CYBA: variants seen among roughly 807,000 people sequenced by gnomAD.
The protein encoded by CYBA is cytochrome b-245 alpha chain, also known as cytochrome b-245 light chain.
In CYBA, 21 loss-of-function variants were observed where a neutral mutation model predicts 20.8. The ratio of observed to expected loss-of-function variants is 1.01; its 90% CI spans 0.72 to 1.46. The LOEUF is 1.46. CYBA is among the 40% of genes most tolerant of loss of function. The pLI is 0.00. For synonymous variants in CYBA, 164 were observed against 127.5 expected, an observed-to-expected ratio of 1.29 and a Z score of -1.93; for missense variants, 344 against 287.0, an observed-to-expected ratio of 1.20 and a Z score of -1.43.
intron 1 of CYBA, among the ~76,000 whole-genome samples, chr16:88,649,232 T>G (rs981784265): frequency 5.9e-5 from 9 of 152,240 alleles, no homozygotes; most frequent in South Asian, 2.1e-4. Context: ...CACCTTGCCC[T>G]GCCAGCCATT....
intron 1 of CYBA, among the ~76,000 whole-genome samples, chr16:88,648,360 G>A (rs72558370): frequency 3.3e-5 from 5 of 152,190 alleles, no homozygotes; most frequent in Admixed American, 3.3e-4. Context: ...CCCAGGAGTG[G>A]CCAAGGACAG....
Position 88,651,044 on chromosome 16 carries a change from G to C in CYBA, c.-31C>G, listed in dbSNP as rs1907512391. ...CACGAACCCGGCTGGGACACTGCTA[G>C]GCGCGCACTGCCGCCCCTGCGCTCC... On this transcript the variant is annotated 5_prime_UTR_variant, in exon 1 of 6. Coordinates refer to ENST00000261623, the MANE Select transcript of CYBA (RefSeq NM_000101.4). 5 of 1,572,636 alleles carry C rather than the reference G, an allele frequency of 3.2e-6. No individual in the cohort carries two copies. The highest frequency in any genetic ancestry group is 4.3e-6 in the Non-Finnish European group (5 of 1,163,114).
intron 5 of CYBA, chr16:88,645,203 G>A (rs753372097): frequency 2.3e-5 from 16 of 702,252 alleles, no homozygotes; most frequent in African/African-American, 8.7e-5. Context: ...GGGGGGATGC[G>A]GGTGGCCCCC....
chr16:88,650,386 G>A (rs1292867084), intron 1 of CYBA: 1 of 456,974 alleles, frequency 2.2e-6, no homozygotes, highest in East Asian at 6.9e-5. Context: ...CACCCCAAGA[G>A]CAAAGTGCCT....
chr16:88,647,589 C>T (rs1489518138), intron 2 of CYBA: 1 of 363,740 alleles, frequency 2.7e-6, no homozygotes, highest in Non-Finnish European at 5.3e-6. Context: ...GAGGCAGCCA[C>T]GGGAGGTTCC....
In CYBA at chr16:88,643,474, G is replaced by T. The variant is rs104894515; in HGVS notation, c.467C>A (p.Pro156Gln). The T allele has an allele frequency of 2.0e-6, 3 of 1,532,140 alleles. No homozygotes were observed. The highest frequency in any genetic ancestry group is 8.7e-7 in the Non-Finnish European group (1 of 1,144,208). The allele number at this position is 1,532,140 out of a possible 1,614,324, so 94.9% of individuals were successfully genotyped here. ...GCGGGCCTCGGCCGGGGGCCGCGGC[G>T]GGGGGTTGCTGGGCGGCTGCTTGAT... ...GTIKQPPSNP[P>Q]PRPPAEARKK... is the part of the protein sequence containing the mutation. Residue 156 changes from proline to glutamine, a missense_variant, in exon 6 of 6, where the codon CCG (proline) becomes CAG (glutamine). Pro to Gln is a moderately conservative substitution (Grantham distance 76). Transcript: ENST00000261623. The surrounding 1 kb of genome is among the most constrained non-coding windows in gnomAD (Gnocchi z 4.3).
chr16:88,650,328 G>A, intron 1 of CYBA: 1 of 455,120 alleles, frequency 2.2e-6, no homozygotes, highest in South Asian at 1.6e-5. Context: ...GCCCTCACCA[G>A]AACCTCTGAG....
intron 1 of CYBA, among the ~76,000 whole-genome samples, chr16:88,648,608 T>A (rs1050035738): frequency 6.6e-6 from 1 of 152,020 alleles, no homozygotes; most frequent in African/African-American, 2.4e-5. Flanking sequence ...TTGTCCAATA[T>A]TCCCCCTTAC....
chr16:88,650,981 G>T lies in CYBA; in HGVS notation c.33C>A (p.Asn11Lys). The change falls in exon 1 of 6, where the codon AAC becomes AAA. Residue 11 changes from asparagine (N) to lysine (K), a missense_variant. By Grantham distance (94) the Asn-to-Lys change is moderately conservative (BLOSUM62 0). Transcript: ENST00000261623. Reference sequence around the variant, plus strand: ...TCAGGCCGGACGCCAGCGCCTGTTCGTTGGCCCACATGGCCCACTCGATCT... The same window carrying T: ...TCAGGCCGGACGCCAGCGCCTGTTCTTTGGCCCACATGGCCCACTCGATCT... MGQIEWAMWA[N>K]EQALASGLIL... The T allele has an allele frequency of 6.3e-7, 1 of 1,596,878 alleles. No homozygotes were observed. The highest frequency in any genetic ancestry group is 8.5e-7 in the Non-Finnish European group (1 of 1,173,172).
intron 1 of CYBA, chr16:88,650,608 G>T (rs1399491528): frequency 2.0e-6 from 1 of 511,376 alleles, no homozygotes. Flanking sequence ...GCCCCCACTC[G>T]GGGGCTTCGG....
At chr16:88,647,479 T>A (rs927634299) in intron 2 of CYBA, among the ~76,000 whole-genome samples, 2 of 152,138 alleles carry the variant, frequency 1.3e-5, no homozygotes, top group Non-Finnish European at 2.9e-5. Context: ...GAGGCTGCCA[T>A]GAGTCACAGC....
At position 88,647,101 on chromosome 16, in the gene CYBA, C is replaced by A. The variant is rs1402280156; in HGVS notation, c.203G>T (p.Trp68Leu). 6.2e-7 allele frequency: 1 copy of A among 1,609,936 alleles called. No individual in the cohort carries two copies. Among genetic ancestry groups the A allele is most frequent in the South Asian group, 1.1e-5 (1 of 90,950 alleles). ...KRKKGSTMER[W>L]GQKYMTAVVK... ...GACCCCAGAGCAGGAGGAGACTCAC[C>A]AGCGCTCCATGGTGGAGCCCTTCTT... Residue 68 changes from tryptophan (W) to leucine (L), a missense_variant and splice_region_variant, in exon 3 of 6, where the codon TGG (tryptophan) becomes TTG (leucine). Trp to Leu is a moderately conservative substitution (Grantham distance 61). Transcript: ENST00000261623.
chr16:88,650,534 GAGCGA>G (rs1357868169), intron 1 of CYBA: 1 of 481,852 alleles, frequency 2.1e-6, no homozygotes. Context: ...AGCCCAGGGA[GAGCGA>G]CCTCCAGGCC....
Position 88,646,143 on chromosome 16 carries a change from C to T in CYBA, c.342G>A (p.Leu114=), listed in dbSNP as rs1190860063. The change falls in exon 5 of 6, where the codon CTG becomes CTA. Residue 114 remains leucine (L), a synonymous_variant. Coordinates refer to ENST00000261623, the MANE Select transcript of CYBA (RefSeq NM_000101.4). ...LLATILGTAC[L]AIASGIYLLA... ...GTAGGTAGATGCCGCTCGCAATGGC[C>T]AGGCAGGCGGTCCCAAGGATGGTGG... The T allele has an allele frequency of 7.1e-6, 11 of 1,558,838 alleles. No individual in the cohort carries two copies. The highest frequency in any genetic ancestry group is 1.2e-5 in the South Asian group (1 of 84,690).
chr16:88,648,649 G>C (rs1476093971), intron 1 of CYBA, among the ~76,000 whole-genome samples: 1 of 140,298 alleles, frequency 7.1e-6, no homozygotes, highest in Non-Finnish European at 1.5e-5. Flanking sequence ...ACGGAGTCTT[G>C]CTCTGTCACC....
chr16:88,644,319 G>A (rs966233784), intron 5 of CYBA, among the ~76,000 whole-genome samples: 7 of 152,214 alleles, frequency 4.6e-5, no homozygotes, highest in Admixed American at 1.3e-4. Context: ...AGGCAGGAAC[G>A]TGAAGGCAGG....
chr16:88,643,716 G>A lies in CYBA; in HGVS notation c.370-145C>T, dbSNP rs1907176246. 16 of 786,144 alleles carry A rather than the reference G, an allele frequency of 2.0e-5. No individual in the cohort carries two copies. The highest frequency in any genetic ancestry group is 6.6e-5 in the Admixed American group (3 of 45,510). 48.7% of individuals were successfully genotyped at this position (786,144 alleles called of 1,614,324 possible). The stretch of plus-strand genomic sequence containing the variant: ...GATGGTGTGACTGCCACTCAGAGAG[G>A]TTAAGTGACGCGCCCGAGGCCACAC... On this transcript the variant is annotated intron_variant, in intron 5 of 5. Coordinates refer to ENST00000261623, the MANE Select transcript of CYBA (RefSeq NM_000101.4). This position sits in a 1 kb window ranked among gnomAD's most constrained non-coding sequence, Gnocchi z 4.3.
chr16:88,644,299 A>G (rs1907197914), intron 5 of CYBA, among the ~76,000 whole-genome samples: 1 of 152,248 alleles, frequency 6.6e-6, no homozygotes, highest in Non-Finnish European at 1.5e-5. Context: ...TAGAAGGCTG[A>G]TAGAAGAAAA....
chr16:88,645,182 G>A (rs1234243243), intron 5 of CYBA: 3 of 702,328 alleles, frequency 4.3e-6, no homozygotes, highest in South Asian at 1.5e-5. Flanking sequence ...GTGCGTGGCA[G>A]CAGGGAGACG....
Sources: gnomAD v4.1 joint callset for allele counts (sites outside exome capture counted in the v4.1 genomes callset) on GRCh38, gnomAD v4.1.1 for gene constraint, Gnocchi (gnomAD v3.1) non-coding constraint, MANE v1.5 for transcripts, NCBI Gene and HGNC (gene_info 2026-07-23, HGNC 2026-07-21) for gene names.